RNF17: variants seen among roughly 807,000 people sequenced by gnomAD.
RNF17 encodes the protein spermatogenesis associated 23.
Under a neutral mutation model 200.5 loss-of-function variants are expected in RNF17, and 31 were observed. The observed-to-expected ratio is 0.15, with a 90% CI of 0.12 to 0.21. The LOEUF is 0.21. RNF17 is among the 10% of genes least tolerant of loss of function. The pLI, the probability that RNF17 is intolerant of heterozygous loss-of-function variation, is 1.00. For missense variants in RNF17, 1,628 were observed against 1,905.1 expected, an observed-to-expected ratio of 0.85 and a Z score of 2.71; for synonymous variants, 606 against 637.8, an observed-to-expected ratio of 0.95 and a Z score of 0.75.
Position 24,864,992 on chromosome 13 carries a change from G to A in RNF17, c.4095G>A (p.Leu1365=), listed in dbSNP as rs1893472064. The change falls in exon 29 of 36, where the codon TTG becomes TTA. Residue 1365 remains leucine (L), a synonymous_variant. Transcript: ENST00000255324. ...CTTCTGAACATACTGAGGAGATGTT[G>A]AAAGAAGTAAGTGCACTATTTTTCT... ...YCTSEHTEEM[L]KEKPRSDHDK... is the part of the protein sequence containing the mutation. 5 of 1,550,478 alleles carry A rather than the reference G, an allele frequency of 3.2e-6. No homozygotes were observed. The highest frequency in any genetic ancestry group is 1.7e-4 in the Middle Eastern group (1 of 5,884).
chr13:24,846,736 A>G (rs1891297641), intron 22 of RNF17, among the ~76,000 whole-genome samples: 1 of 152,198 alleles, frequency 6.6e-6, no homozygotes, highest in East Asian at 1.9e-4. Flanking sequence ...ATGTTCTAAG[A>G]AAGTTTATGA....
At chr13:24,883,820 A>G (rs1593525568), downstream of RNF17, 1 of 876,108 alleles carries the variant, frequency 1.1e-6, no homozygotes, top group East Asian at 2.4e-5. Context: ...GTTGACTGAC[A>G]TGCCTGTGGG....
chr13:24,776,684 C>CT (rs1881612375), intron 3 of RNF17, among the ~76,000 whole-genome samples: 1 of 152,194 alleles, frequency 6.6e-6, no homozygotes, highest in Admixed American at 6.5e-5. Flanking sequence ...AGTTAACTTA[C>CT]TGGGTGAGGT....
At chr13:24,775,866 T>G (rs537485917) in intron 3 of RNF17, among the ~76,000 whole-genome samples, 2 of 152,332 alleles carry the variant, frequency 1.3e-5, no homozygotes, top group African/African-American at 4.8e-5. Flanking sequence ...TTTATTCCCC[T>G]TTATATCTCT....
chr13:24,787,062 G>T (rs996340652), intron 6 of RNF17, among the ~76,000 whole-genome samples: 42 of 151,342 alleles, frequency 2.8e-4, no homozygotes, highest in African/African-American at 9.7e-4. Flanking sequence ...ATTCAAGTTG[G>T]CTCGTTCTTT....
chr13:24,864,079 T>TG (rs1258135565), intron 28 of RNF17, among the ~76,000 whole-genome samples: 2 of 152,144 alleles, frequency 1.3e-5, no homozygotes, highest in African/African-American at 4.8e-5. Context: ...AGGAATGGCA[T>TG]GGCCAGGGAG....
chr13:24,865,621 T>C (rs1893536920), intron 29 of RNF17, among the ~76,000 whole-genome samples: 1 of 152,336 alleles, frequency 6.6e-6, no homozygotes, highest in African/African-American at 2.4e-5. Flanking sequence ...CTTGTTAGAC[T>C]CTTTAATATT....
Position 24,774,923 on chromosome 13 carries a change from TA to T in RNF17, c.317+20del. ...CTAAGACGTATGTTCCATGTGTACT[TA>T]TTTGAGTATTTAAAGTCAATGTGTT... is the stretch of plus-strand genomic sequence containing the variant. On this transcript the variant is annotated intron_variant, in intron 3 of 35. Transcript: ENST00000255324. The T allele has an allele frequency of 7.0e-7, 1 of 1,428,418 alleles. No individual in the cohort carries two copies. The highest frequency in any genetic ancestry group is 2.3e-5 in the East Asian group (1 of 43,834). The allele number at this position is 1,428,418 out of a possible 1,614,324, so 88.5% of individuals were successfully genotyped here. A position where few individuals can be genotyped will look rare whatever the true frequency, so the allele number is the denominator to read the frequency against.
chr13:24,779,623 G>GT, intron 4 of RNF17, 44 bp from the exon 5 acceptor site: 1 of 1,468,204 alleles, frequency 6.8e-7, no homozygotes, highest in Non-Finnish European at 9.5e-7. Context: ...CTAGGCATCT[G>GT]TTTTTTAGTT....
intron 10 of RNF17, among the ~76,000 whole-genome samples, chr13:24,795,150 C>T (rs936119092): frequency 6.6e-6 from 1 of 152,132 alleles, no homozygotes; most frequent in African/African-American, 2.4e-5. Flanking sequence ...CCCATTTGTT[C>T]AGTTTCTGTC....
intron 25 of RNF17, among the ~76,000 whole-genome samples, chr13:24,856,163 G>A (rs1459991459): frequency 6.6e-6 from 1 of 152,056 alleles, no homozygotes; most frequent in East Asian, 1.9e-4. Flanking sequence ...GCTCATGCCT[G>A]TAATCCCAGC....
downstream of RNF17, among the ~76,000 whole-genome samples, chr13:24,880,652 G>GT (rs1953789325): frequency 2.0e-5 from 3 of 152,016 alleles, no homozygotes; most frequent in South Asian, 6.2e-4. Context: ...TCCATTACCA[G>GT]TTTTTTTCTC....
intron 10 of RNF17, among the ~76,000 whole-genome samples, 194 bp downstream of exon 10, chr13:24,793,540 T>C (rs1884151804): frequency 6.6e-6 from 1 of 152,218 alleles, no homozygotes. Context: ...TTATTTTTAA[T>C]GCAGTAATAT....
intron 16 of RNF17, among the ~76,000 whole-genome samples, chr13:24,827,020 A>G (rs898661309): frequency 2.0e-5 from 3 of 152,136 alleles, no homozygotes; most frequent in Non-Finnish European, 4.4e-5. Context: ...AGATTGTGCC[A>G]TTGTACTCCA....
At chr13:24,869,818 A>C (rs1208732072) in intron 31 of RNF17, among the ~76,000 whole-genome samples, 1 of 151,908 alleles carries the variant, frequency 6.6e-6, no homozygotes, top group African/African-American at 2.4e-5. Context: ...CAGGCTGGAG[A>C]GTGCAGTGAC....
the RNF17 span, among the ~76,000 whole-genome samples, chr13:24,887,158 C>G: frequency 3.9e-5 from 6 of 152,286 alleles, no homozygotes; most frequent in Admixed American, 2.6e-4. Flanking sequence ...AAGGGAAAAA[C>G]TGAAATTGAA....
chr13:24,857,054 A>C (rs1892591776), intron 25 of RNF17, among the ~76,000 whole-genome samples: 1 of 152,154 alleles, frequency 6.6e-6, no homozygotes, highest in South Asian at 2.1e-4. Flanking sequence ...ATACTGGTAG[A>C]CCTTTTTAGA....
chr13:24,880,697 A>G (rs1953790316), downstream of RNF17, among the ~76,000 whole-genome samples: 1 of 152,132 alleles, frequency 6.6e-6, no homozygotes, highest in Non-Finnish European at 1.5e-5. Context: ...TGTATACATG[A>G]GCGGCTTTCT....
At chr13:24,750,621 C>T in the RNF17 span, 2 of 152,180 alleles carry the variant, frequency 1.3e-5, no homozygotes, top group African/African-American at 4.8e-5. Flanking sequence ...AACATGTAAC[C>T]ATAACCAAAT....
Sources: allele counts gnomAD v4.1 joint callset (sites outside exome capture counted in the v4.1 genomes callset), GRCh38; gene constraint gnomAD v4.1.1; transcripts MANE v1.5; gene names NCBI Gene and HGNC (gene_info 2026-07-23, HGNC 2026-07-21).